C1orf21: variants seen among roughly 807,000 people sequenced by gnomAD.
C1orf21 encodes the protein uncharacterized protein C1orf21.
A neutral mutation model predicts 18.7 loss-of-function variants in C1orf21; 3 were observed. The observed-to-expected ratio is 0.16, with a 90% CI of 0.07 to 0.42. The LOEUF (loss-of-function observed/expected upper bound fraction) is 0.42, where lower values mean the gene tolerates loss of function less well. Ranked by LOEUF, C1orf21 falls within the 10% of genes least tolerant of loss-of-function variation. C1orf21 has a pLI of 0.99. For synonymous variants in C1orf21, 41 were observed against 46.4 expected (o/e 0.88, Z 0.47); for missense variants, 104 against 143.6 (o/e 0.72, Z 1.41).
chr1:184,534,825 G>A (rs1184549968), intron 3 of C1orf21, among the ~76,000 whole-genome samples: 1 of 152,156 alleles, frequency 6.6e-6, no homozygotes, highest in East Asian at 1.9e-4. Flanking sequence ...TTACGTGGGA[G>A]TAGGAGAGAG....
Position 184,623,792 on chromosome 1 carries a change from T to C in C1orf21, c.*4236T>C, listed in dbSNP as rs994713340. 1.3e-5 allele frequency: 2 copies of C among 152,554 alleles called. No individual in the cohort carries two copies. The highest frequency in any genetic ancestry group is 4.8e-5 in the African/African-American group (2 of 41,380). 9.5% of individuals were successfully genotyped at this position (152,554 alleles called of 1,614,324 possible). A position where few individuals can be genotyped will look rare whatever the true frequency, so the allele number is the denominator to read the frequency against. On this transcript the variant is annotated 3_prime_UTR_variant, in exon 6 of 6. Transcript: ENST00000235307. ...TGGCAGTCACCTTTTTGTATGTCTC[T>C]AGAAAGGGGTCAAAAAACTATGGTA...
At chr1:184,490,110 A>T (rs1657795793) in intron 2 of C1orf21, among the ~76,000 whole-genome samples, 1 of 152,254 alleles carries the variant, frequency 6.6e-6, no homozygotes, top group Non-Finnish European at 1.5e-5. Context: ...ATGTTAGCCC[A>T]GGCATACAGA....
At chr1:184,525,193 A>G in intron 3 of C1orf21, among the ~76,000 whole-genome samples, 1 of 152,064 alleles carries the variant, frequency 6.6e-6, no homozygotes, top group Middle Eastern at 3.4e-3. Flanking sequence ...TTTTATATAA[A>G]TTTTGGTTAT....
At chr1:184,447,749 C>T (rs923930990) in intron 1 of C1orf21, among the ~76,000 whole-genome samples, 1 of 152,168 alleles carries the variant, frequency 6.6e-6, no homozygotes, top group Non-Finnish European at 1.5e-5. Context: ...CACTGGACTC[C>T]CACTGTAAAG....
rs1659952622 is a variant in C1orf21, at chr1:184,623,260, A to C, written c.*3704A>C. The C allele has an allele frequency of 6.6e-6, 1 of 152,208 alleles. No individual in the cohort carries two copies. Among genetic ancestry groups the C allele is most frequent in the African/African-American group, 2.4e-5 (1 of 41,452 alleles). The allele number at this position is 152,208 out of a possible 1,614,324, so 9.4% of individuals were successfully genotyped here. A position where few individuals can be genotyped will look rare whatever the true frequency, so the allele number is the denominator to read the frequency against. On this transcript the variant is annotated 3_prime_UTR_variant, in exon 6 of 6. Transcript: ENST00000235307. ...ATTTTCAAATTCTTAATCCAAGAAAATACTGAGTTGGAATCTTAGACTTCG... is the reference window on the plus strand; with the variant it reads ...ATTTTCAAATTCTTAATCCAAGAAACTACTGAGTTGGAATCTTAGACTTCG...
chr1:184,401,308 C>T, intron 1 of C1orf21, among the ~76,000 whole-genome samples: 1 of 152,136 alleles, frequency 6.6e-6, no homozygotes, highest in South Asian at 2.1e-4. Flanking sequence ...GCAACCTCCA[C>T]CTCCTGGGTT....
chr1:184,594,507 A>G (rs1659487162), intron 4 of C1orf21, among the ~76,000 whole-genome samples: 1 of 152,262 alleles, frequency 6.6e-6, no homozygotes, highest in South Asian at 2.1e-4. Context: ...AGAAACAGTT[A>G]TGGAAAAGCA....
In C1orf21 at chr1:184,612,000, T is replaced by C. The variant is rs544174933; in HGVS notation, c.328-7518T>C. 6.6e-5 allele frequency among the ~76,000 whole-genome samples: 10 copies of C among 151,944 alleles called. No individual in the cohort carries two copies. In the South Asian group the frequency reaches 2.1e-3, roughly 32 times the overall value. ...CAAAAACCACTTGTACCCCAAAAGCTACTGAAATAAAAAAATTTATAATTT... is the reference window on the plus strand; with the variant it reads ...CAAAAACCACTTGTACCCCAAAAGCCACTGAAATAAAAAAATTTATAATTT... On this transcript the variant is annotated intron_variant, in intron 5 of 5. Coordinates refer to ENST00000235307, the MANE Select transcript of C1orf21 (RefSeq NM_030806.4).
In C1orf21 at chr1:184,544,602, C is replaced by T. The variant is rs532897506; in HGVS notation, c.189+36920C>T. ...TGCATATACCATTGATCTACGTAGTCTACTGCTACGACTTCACCATACGTG... is the reference window on the plus strand; with the variant it reads ...TGCATATACCATTGATCTACGTAGTTTACTGCTACGACTTCACCATACGTG... On this transcript the variant is annotated intron_variant, in intron 3 of 5. Coordinates refer to ENST00000235307, the MANE Select transcript of C1orf21 (RefSeq NM_030806.4). Among the ~76,000 whole-genome samples, 13 of 152,310 alleles carry T rather than the reference C, an allele frequency of 8.5e-5. No homozygotes were observed. In the South Asian group the frequency reaches 2.7e-3, roughly 32 times the overall value.
intron 3 of C1orf21, among the ~76,000 whole-genome samples, chr1:184,529,242 A>G (rs1279335338): frequency 6.6e-6 from 1 of 152,124 alleles, no homozygotes; most frequent in Non-Finnish European, 1.5e-5. Flanking sequence ...TTATTCAATT[A>G]GTAACATTTC....
intron 1 of C1orf21, among the ~76,000 whole-genome samples, chr1:184,458,560 T>C (rs921309071): frequency 2.0e-5 from 3 of 152,206 alleles, no homozygotes; most frequent in African/African-American, 7.2e-5. Flanking sequence ...TAAATGGATA[T>C]GGTTTCAACT....
At chr1:184,589,305 T>C (rs1659403462) in intron 3 of C1orf21, among the ~76,000 whole-genome samples, 1 of 152,226 alleles carries the variant, frequency 6.6e-6, no homozygotes, top group Non-Finnish European at 1.5e-5. Context: ...AGAGACTACA[T>C]TTGAGCTATT....
At chr1:184,611,092 CT>C (rs1292677045) in intron 5 of C1orf21, among the ~76,000 whole-genome samples, 2 of 152,056 alleles carry the variant, frequency 1.3e-5, no homozygotes, top group Non-Finnish European at 2.9e-5. Context: ...CAAACGAGAC[CT>C]TTTTCCAGCT....
At chr1:184,465,775 T>C (rs1343216437) in intron 1 of C1orf21, among the ~76,000 whole-genome samples, 1 of 152,198 alleles carries the variant, frequency 6.6e-6, no homozygotes, top group Non-Finnish European at 1.5e-5. Flanking sequence ...TTTACCCTAA[T>C]ACTGTTATAC....
intron 2 of C1orf21, among the ~76,000 whole-genome samples, 187 bp from the exon 3 acceptor site, chr1:184,507,401 A>G (rs868573102): frequency 6.6e-6 from 1 of 152,188 alleles, no homozygotes; most frequent in African/African-American, 2.4e-5. Context: ...TAGTAGACAG[A>G]GGAGAGGGGC....
intron 1 of C1orf21, among the ~76,000 whole-genome samples, chr1:184,406,899 T>G (rs1396780448): frequency 6.6e-6 from 1 of 152,142 alleles, no homozygotes; most frequent in Non-Finnish European, 1.5e-5. Flanking sequence ...GCTCAAGTGA[T>G]CCTCTTGCCT....
At chr1:184,394,919 A>G (rs1480162660) in intron 1 of C1orf21, among the ~76,000 whole-genome samples, 2 of 152,152 alleles carry the variant, frequency 1.3e-5, no homozygotes, top group East Asian at 1.9e-4. Flanking sequence ...CCAGGAATCC[A>G]TGACAGTCTA....
chr1:184,416,925 A>G (rs1656462075), intron 1 of C1orf21, among the ~76,000 whole-genome samples: 1 of 152,234 alleles, frequency 6.6e-6, no homozygotes, highest in South Asian at 2.1e-4. Flanking sequence ...AAAATTGGTC[A>G]CACTTACTTG....
chr1:184,575,979 C>T (rs1041149795), intron 3 of C1orf21, among the ~76,000 whole-genome samples: 1 of 152,090 alleles, frequency 6.6e-6, no homozygotes, highest in Non-Finnish European at 1.5e-5. Context: ...ACCAAGGTGA[C>T]AAGCAAAAAT....
Sources: gnomAD v4.1 joint callset for allele counts (sites outside exome capture counted in the v4.1 genomes callset) on GRCh38, gnomAD v4.1.1 for gene constraint, MANE v1.5 for transcripts, NCBI Gene and HGNC (gene_info 2026-07-23, HGNC 2026-07-21) for gene names.